CEBPZ: variants seen among roughly 807,000 people sequenced by gnomAD.
The protein encoded by CEBPZ is CCAAT enhancer binding protein zeta, also known as CCAAT/enhancer-binding protein zeta.
CEBPZ carries 78 observed loss-of-function variants against 104.5 expected under a neutral mutation model. The ratio of observed to expected loss-of-function variants is 0.75; its 90% confidence interval spans 0.62 to 0.90. The LOEUF is 0.90. CEBPZ is among the 40% of genes least tolerant of loss of function. The pLI, the probability that CEBPZ is intolerant of heterozygous loss-of-function variation, is 0.00. For missense variants in CEBPZ, 1,439 were observed against 1,233.5 expected (o/e 1.17, Z -2.50); for synonymous variants, 470 against 427.0 (o/e 1.10, Z -1.24).
chr2:37,212,883 A>C (rs1300708247), intron 10 of CEBPZ, among the ~76,000 whole-genome samples: 2 of 151,300 alleles, frequency 1.3e-5, no homozygotes, highest in South Asian at 2.1e-4. Flanking sequence ...AAAAAACAAA[A>C]AAAAAACGAG....
chr2:37,211,661 A>G (rs1034478885), intron 12 of CEBPZ, 182 bp downstream of exon 12: 10 of 528,544 alleles, frequency 1.9e-5, no homozygotes, highest in Admixed American at 1.9e-4. Context: ...GAAAACACAC[A>G]TAACACACAA....
intron 1 of CEBPZ, among the ~76,000 whole-genome samples, chr2:37,229,294 AT>A (rs1197249932): frequency 1.3e-5 from 2 of 152,186 alleles, no homozygotes; most frequent in African/African-American, 2.4e-5. Context: ...TGGAAAAAAA[AT>A]ACAAGCAATT....
At chr2:37,215,972 C>G in intron 8 of CEBPZ, 168 bp downstream of exon 8, 1 of 455,690 alleles carries the variant, frequency 2.2e-6, no homozygotes, top group Non-Finnish European at 3.7e-6. Context: ...AAAAAAAGGC[C>G]CAGTCAGATA....
chr2:37,201,695 C>T lies in CEBPZ; in HGVS notation c.*69G>A. 1.0e-6 allele frequency: 1 copy of T among 967,176 alleles called. No individual in the cohort carries two copies. The highest frequency in any genetic ancestry group is 1.6e-6 in the Non-Finnish European group (1 of 613,198). The allele number at this position is 967,176 out of a possible 1,614,324, so 59.9% of individuals were successfully genotyped here. ...AATGTATGGAATCAGAGAGCTAGATCAAAAAACATGGTTGAACAGCAAAAA... is the reference window on the plus strand; with the variant it reads ...AATGTATGGAATCAGAGAGCTAGATTAAAAAACATGGTTGAACAGCAAAAA... On this transcript the variant is annotated 3_prime_UTR_variant, in exon 16 of 16. Coordinates refer to ENST00000234170, the MANE Select transcript of CEBPZ (RefSeq NM_005760.3).
At chr2:37,205,368 T>C (rs1677500877) in intron 13 of CEBPZ, among the ~76,000 whole-genome samples, 1 of 152,138 alleles carries the variant, frequency 6.6e-6, no homozygotes. Context: ...CTGATGACAT[T>C]ATCTTGTGAA....
chr2:37,227,949 T>G lies in CEBPZ; in HGVS notation c.1244A>C (p.Asn415Thr), dbSNP rs749953724. Residue 415 changes from asparagine (N) to threonine (T), a missense_variant, in exon 2 of 16, where the codon AAT becomes ACT. Asn to Thr is a moderately conservative substitution (Grantham distance 65, BLOSUM62 0). Transcript: ENST00000234170. ...TTCACCAGACACAACTCCTTTCATA[T>G]TGGGATGTTTACAAAGTAATGTCTC... ...LLETLLCKHPNMKGVVSGEVE... is the reference protein window; with the variant it reads ...LLETLLCKHPTMKGVVSGEVE... 5 of 1,614,210 alleles carry G rather than the reference T, an allele frequency of 3.1e-6. No individual in the cohort carries two copies. The South Asian group carries it at 5.5e-5, about 18-fold the overall frequency.
rs1665077117 is a variant in CEBPZ at position 37,231,147 on chromosome 2, T to C, written c.156+265A>G. ...AAAGCCACTCTCCGACCTGATGGTG[T>C]GATGGTTATACCACGTCAATAAAAT... is the stretch of plus-strand genomic sequence containing the variant. On this transcript the variant is annotated intron_variant, in intron 1 of 15. Coordinates refer to ENST00000234170, the MANE Select transcript of CEBPZ (RefSeq NM_005760.3). 5 of 631,402 alleles carry C rather than the reference T, an allele frequency of 7.9e-6. No individual in the cohort carries two copies. In the East Asian group the frequency reaches 1.7e-4, roughly 22 times the overall value. The allele number at this position is 631,402 out of a possible 1,614,324, so 39.1% of individuals were successfully genotyped here. A position where few individuals can be genotyped will look rare whatever the true frequency, so the allele number is the denominator to read the frequency against.
intron 5 of CEBPZ, 134 bp from the exon 6 acceptor site, chr2:37,217,171 G>A: frequency 1.5e-6 from 1 of 667,398 alleles, no homozygotes; most frequent in Admixed American, 2.6e-5. Context: ...GCTCAGGCAG[G>A]CAGATTGCTT....
chr2:37,223,287 C>T lies in CEBPZ; in HGVS notation c.1764G>A (p.Lys588=), dbSNP rs758805011. The T allele has an allele frequency of 2.5e-6, 4 of 1,614,162 alleles. No homozygotes were observed. In the South Asian group the frequency reaches 3.3e-5, roughly 13 times the overall value. Residue 588 remains lysine, a synonymous_variant, in exon 3 of 16, where the codon AAG becomes AAA. Transcript: ENST00000234170. Reference sequence around the variant, plus strand: ...GTTGACAAGTAACTTGAAGTAACCTCTTCACAAAAGCCTTCACCCGGCGCA... The same window carrying T: ...GTTGACAAGTAACTTGAAGTAACCTTTTCACAAAAGCCTTCACCCGGCGCA... ...IVLRRVKAFV[K]RLLQVTCQQM...
At chr2:37,208,419 A>G (rs1175878149) in intron 13 of CEBPZ, among the ~76,000 whole-genome samples, 1 of 152,228 alleles carries the variant, frequency 6.6e-6, no homozygotes. Context: ...AACCAACTCC[A>G]ACAGCATATC....
rs1213406597 is a variant in CEBPZ at position 37,212,001 on chromosome 2, G to A, written c.2642C>T (p.Thr881Ile). Reference sequence around the variant, plus strand: ...ACTACCTTCTGAATCTTCATCTAATGTGTTATCCTTAGCTCCTTTTGTTCT... The same window carrying A: ...ACTACCTTCTGAATCTTCATCTAATATGTTATCCTTAGCTCCTTTTGTTCT... ...KKRTKGAKDN[T>I]LDEDSEGSDD... Residue 881 changes from threonine (T) to isoleucine (I), a missense_variant, in exon 12 of 16, where the codon ACA (threonine) becomes ATA (isoleucine). Coordinates refer to ENST00000234170, the MANE Select transcript of CEBPZ (RefSeq NM_005760.3). The A allele has an allele frequency of 5.0e-6, 8 of 1,605,950 alleles. No homozygotes were observed. In the African/African-American group the frequency reaches 5.4e-5, roughly 11 times the overall value.
intron 13 of CEBPZ, among the ~76,000 whole-genome samples, chr2:37,205,564 C>A (rs1677508870): frequency 6.6e-6 from 1 of 152,208 alleles, no homozygotes. Context: ...CCCGCCTGCA[C>A]CCAGGTGAAA....
At chr2:37,229,233 A>ACG (rs2148364704) in intron 1 of CEBPZ, among the ~76,000 whole-genome samples, 197 bp from the exon 2 acceptor site, 1 of 151,810 alleles carries the variant, frequency 6.6e-6, no homozygotes, top group East Asian at 1.9e-4. Context: ...ACACACACAC[A>ACG]CGCACACACA....
intron 2 of CEBPZ, 78 bp downstream of exon 2, chr2:37,227,466 C>G (rs1470962213): frequency 7.1e-7 from 1 of 1,409,770 alleles, no homozygotes; most frequent in Non-Finnish European, 9.4e-7. Flanking sequence ...CTTTTTCTTG[C>G]CCCACAGAGG....
At chr2:37,205,052 TACTC>T (rs1186475045) in intron 13 of CEBPZ, among the ~76,000 whole-genome samples, 2 of 152,210 alleles carry the variant, frequency 1.3e-5, no homozygotes, top group Non-Finnish European at 2.9e-5. Flanking sequence ...TGATCTTAGA[TACTC>T]AAGGGAAGAC....
chr2:37,220,816 C>A (rs910045317), intron 4 of CEBPZ, among the ~76,000 whole-genome samples: 2 of 151,982 alleles, frequency 1.3e-5, no homozygotes, highest in South Asian at 4.2e-4. Context: ...AATGGTGAAA[C>A]CCCATCTCTT....
At position 37,213,885 on chromosome 2, in the gene CEBPZ, C is replaced by T; in HGVS notation, c.2524G>A (p.Glu842Lys). The T allele has an allele frequency of 6.2e-6, 10 of 1,608,040 alleles. No homozygotes were observed. The highest frequency in any genetic ancestry group is 8.5e-6 in the Non-Finnish European group (10 of 1,177,324). ...DEESIEDVDD[E>K]EFEELIDTFE... ...TTACCAATCAGCTCTTCAAATTCTT[C>T]ATCATCCACGTCTTCTATACTTTCT... Residue 842 changes from glutamate to lysine, a missense_variant, in exon 10 of 16, where the codon GAA (glutamate) becomes AAA (lysine). Transcript: ENST00000234170.
At chr2:37,217,294 A>G (rs935653814) in intron 5 of CEBPZ, among the ~76,000 whole-genome samples, 19 of 152,006 alleles carry the variant, frequency 1.2e-4, no homozygotes, top group African/African-American at 4.6e-4. Context: ...CCAGCTACTC[A>G]GGAGGCTAAA....
Position 37,211,089 on chromosome 2 carries a change from C to A in CEBPZ, c.2801-7G>T. The A allele has an allele frequency of 6.3e-7, 1 of 1,597,164 alleles. No homozygotes were observed. Among genetic ancestry groups the A allele is most frequent in the South Asian group, 1.1e-5 (1 of 88,156 alleles). ...TTGGAGTGGACTTCAAGTTCTGTTA[C>A]ACGAAAAAATTTGCTAATAAGCAAT... On this transcript the variant is annotated splice_polypyrimidine_tract_variant and splice_region_variant and intron_variant, in intron 12 of 15. Transcript: ENST00000234170.
Sources: gnomAD v4.1 joint callset for allele counts (sites outside exome capture counted in the v4.1 genomes callset) on GRCh38, gnomAD v4.1.1 for gene constraint, MANE v1.5 for transcripts, NCBI Gene and HGNC (gene_info 2026-07-23, HGNC 2026-07-21) for gene names.